SHISA9: variants seen among roughly 807,000 people sequenced by gnomAD.
SHISA9 encodes the protein shisa family member 9.
Under a neutral mutation model 38.0 loss-of-function variants are expected in SHISA9, and 13 were observed. The observed-to-expected ratio is 0.34, with a 90% CI of 0.22 to 0.54. SHISA9 has a LOEUF of 0.54. Ranked by LOEUF, SHISA9 falls within the 20% of genes least tolerant of loss-of-function variation. The pLI, the probability that SHISA9 is intolerant of heterozygous loss-of-function variation, is 0.91. For missense variants in SHISA9, 538 were observed against 575.8 expected (o/e 0.93, Z 0.67); for synonymous variants, 275 against 242.0 (o/e 1.14, Z -1.27).
rs117278433 is a variant in SHISA9, at chr16:13,219,081, C to T, written c.895+5781C>T. Among the ~76,000 whole-genome samples the T allele has an allele frequency of 2.3e-3, 356 of 152,334 alleles. 1 individual carries two copies. Among genetic ancestry groups the T allele is most frequent in the Non-Finnish European group, 4.0e-3 (273 of 68,034 alleles). ...AGTTCAGTCCCCTTTGAAAAGCACA[C>T]AGCAAGTGCTGGGATTTTGATGAGC... is the stretch of plus-strand genomic sequence containing the variant. On this transcript the variant is annotated intron_variant, in intron 4 of 4. Transcript: ENST00000558583.
At chr16:13,262,562 C>A in the SHISA9 span, among the ~76,000 whole-genome samples, 3 of 151,350 alleles carry the variant, frequency 2.0e-5, no homozygotes, top group Non-Finnish European at 4.4e-5. Context: ...CAACTTGACC[C>A]ATAGAAGGAT....
At chr16:13,410,521 C>T in the SHISA9 span, among the ~76,000 whole-genome samples, 1 of 152,112 alleles carries the variant, frequency 6.6e-6, no homozygotes, top group African/African-American at 2.4e-5. Context: ...GGTGGCTTAA[C>T]AGATATGGGT....
At chr16:13,223,952 C>T (rs1033620338) in intron 4 of SHISA9, among the ~76,000 whole-genome samples, 5 of 152,208 alleles carry the variant, frequency 3.3e-5, no homozygotes, top group African/African-American at 1.2e-4. Flanking sequence ...GGCAGTGGAG[C>T]CAGGTGTCCT....
the SHISA9 span, among the ~76,000 whole-genome samples, chr16:13,372,287 A>T: frequency 6.6e-6 from 1 of 152,224 alleles, no homozygotes; most frequent in Non-Finnish European, 1.5e-5. Context: ...CATTCATTTA[A>T]CAAATAACAA....
At chr16:13,495,939 A>T in the SHISA9 span, among the ~76,000 whole-genome samples, 12 of 152,282 alleles carry the variant, frequency 7.9e-5, no homozygotes, top group East Asian at 2.1e-3. Context: ...GGAGAACCAA[A>T]CATAAAGATT....
chr16:13,293,555 T>C, the SHISA9 span, among the ~76,000 whole-genome samples: 1 of 152,216 alleles, frequency 6.6e-6, no homozygotes, highest in Non-Finnish European at 1.5e-5. Flanking sequence ...TAAGGTTGTT[T>C]ATTAAATATA....
the SHISA9 span, among the ~76,000 whole-genome samples, chr16:13,269,700 G>A: frequency 1.4e-4 from 21 of 152,192 alleles, no homozygotes; most frequent in African/African-American, 5.1e-4. Context: ...ATATGCTAAG[G>A]TCCTGGGTGA....
intron 2 of SHISA9, among the ~76,000 whole-genome samples, chr16:13,127,985 C>T (rs8060615): frequency 0.017 from 2,641 of 152,288 alleles, 71 homozygotes; most frequent in African/African-American, 0.06. Flanking sequence ...TTTTCTCTGG[C>T]TCAATAGGCC....
At chr16:13,476,524 A>C in the SHISA9 span, among the ~76,000 whole-genome samples, 1 of 152,106 alleles carries the variant, frequency 6.6e-6, no homozygotes, top group Non-Finnish European at 1.5e-5. Flanking sequence ...ATTTTACTGC[A>C]TTATTAAAGT....
At chr16:12,909,310 C>T in intron 1 of SHISA9, 1 of 985,414 alleles carries the variant, frequency 1.0e-6, no homozygotes, top group Non-Finnish European at 1.2e-6. Context: ...GTAATCATTA[C>T]TCTAGAAAGC....
chr16:13,434,620 G>C, the SHISA9 span, among the ~76,000 whole-genome samples: 1 of 151,890 alleles, frequency 6.6e-6, no homozygotes, highest in African/African-American at 2.4e-5. Flanking sequence ...GGGTTTCACC[G>C]TGTTAGCCAG....
At chr16:13,097,657 G>GC (rs2073841039) in intron 2 of SHISA9, among the ~76,000 whole-genome samples, 1 of 152,142 alleles carries the variant, frequency 6.6e-6, no homozygotes. Flanking sequence ...TCCTGCCTTG[G>GC]CCTCCCAAAG....
intron 2 of SHISA9, among the ~76,000 whole-genome samples, chr16:12,968,315 G>A (rs564593482): frequency 6.6e-6 from 1 of 151,242 alleles, no homozygotes; most frequent in Admixed American, 6.6e-5. Flanking sequence ...GAAGATCCTG[G>A]GTAATTCCAA....
At chr16:13,320,158 G>T in the SHISA9 span, among the ~76,000 whole-genome samples, 4 of 151,700 alleles carry the variant, frequency 2.6e-5, no homozygotes, top group Non-Finnish European at 4.4e-5. Context: ...TGGCGTGGTG[G>T]CATGCACCTG....
intron 4 of SHISA9, among the ~76,000 whole-genome samples, chr16:13,228,349 C>G (rs573729442): frequency 1.3e-5 from 2 of 152,332 alleles, no homozygotes; most frequent in Admixed American, 1.3e-4. Flanking sequence ...GATTTTCCCC[C>G]CATCTGCACG....
At chr16:12,933,735 A>G (rs1019515464) in intron 2 of SHISA9, among the ~76,000 whole-genome samples, 1 of 152,176 alleles carries the variant, frequency 6.6e-6, no homozygotes, top group African/African-American at 2.4e-5. Flanking sequence ...CTTTATCTAG[A>G]GAATGACTTC....
intron 2 of SHISA9, among the ~76,000 whole-genome samples, chr16:12,968,813 T>TAG (rs1268199825): frequency 6.6e-6 from 1 of 152,120 alleles, no homozygotes; most frequent in Non-Finnish European, 1.5e-5. Flanking sequence ...AAACCAGCCA[T>TAG]AGATGATATA....
chr16:12,986,735 T>C (rs1191798171), intron 2 of SHISA9, among the ~76,000 whole-genome samples: 1 of 152,246 alleles, frequency 6.6e-6, no homozygotes, highest in Non-Finnish European at 1.5e-5. Context: ...GCCATGGTTC[T>C]GAGGGTTTTC....
At chr16:13,392,844 C>T in the SHISA9 span, among the ~76,000 whole-genome samples, 1 of 152,234 alleles carries the variant, frequency 6.6e-6, no homozygotes, top group African/African-American at 2.4e-5. Context: ...GCCTGCAAAG[C>T]ACGAGAAGCT....
Sources: allele counts gnomAD v4.1 joint callset (sites outside exome capture counted in the v4.1 genomes callset), GRCh38; gene constraint gnomAD v4.1.1; transcripts MANE v1.5; gene names NCBI Gene and HGNC (gene_info 2026-07-23, HGNC 2026-07-21).